The following CELSR1 variants were observed in gnomAD, a reference collection of about 807,000 sequenced individuals.
The protein encoded by CELSR1 is cadherin EGF LAG seven-pass G-type receptor 1, also known as adhesion G protein-coupled receptor C1.
CELSR1 carries 110 observed loss-of-function variants against 249.1 expected under a neutral mutation model. That is an observed-to-expected ratio of 0.44 (90% CI 0.38 to 0.52). CELSR1 has a LOEUF of 0.52. Among genes scored for constraint, CELSR1 ranks in the 20% least tolerant of loss-of-function variants. CELSR1 has a pLI of 0.00. For missense variants in CELSR1, 4,109 were observed against 4,296.4 expected, an observed-to-expected ratio of 0.96 and a Z score of 1.22; for synonymous variants, 2,113 against 1,900.0, an observed-to-expected ratio of 1.11 and a Z score of -2.92.
At position 46,430,727 on chromosome 22, in the gene CELSR1, T is replaced by C. The variant is rs995977900; in HGVS notation, c.4611+2666A>G. Among the ~76,000 whole-genome samples the C allele has an allele frequency of 1.3e-5, 2 of 152,122 alleles. No individual in the cohort carries two copies. The highest frequency in any genetic ancestry group is 4.8e-5 in the African/African-American group (2 of 41,432). Reference sequence around the variant, plus strand: ...ACCAGCCCCCAGAAGATTGTCTTCCTGACCTCAAGCTGGCCCCCGCCACCC... The same window carrying C: ...ACCAGCCCCCAGAAGATTGTCTTCCCGACCTCAAGCTGGCCCCCGCCACCC... On this transcript the variant is annotated intron_variant, in intron 5 of 34. Coordinates refer to ENST00000674500, the MANE Select transcript of CELSR1 (RefSeq NM_001378328.1). The surrounding 1 kb of genome is among the most constrained non-coding windows in gnomAD (Gnocchi z 4.6).
At chr22:46,457,974 T>C (rs1266480384) in intron 2 of CELSR1, among the ~76,000 whole-genome samples, 1 of 152,236 alleles carries the variant, frequency 6.6e-6, no homozygotes, top group Non-Finnish European at 1.5e-5. Flanking sequence ...TTGTCTCATT[T>C]GCACACGGTG....
rs1160476921 is a variant in CELSR1 at position 46,417,277 on chromosome 22, T to C, written c.4612-5518A>G. ...AGTTCTCCGAAGCTGCTTGGGAAAG[T>C]GGTGGGAAGGGTCACGAGGAGCAAA... On this transcript the variant is annotated intron_variant, in intron 5 of 34. Transcript: ENST00000674500. This position sits in a 1 kb window ranked among gnomAD's most constrained non-coding sequence, Gnocchi z 4.1. Among the ~76,000 whole-genome samples the C allele has an allele frequency of 1.3e-5, 2 of 152,228 alleles. No homozygotes were observed. The highest frequency in any genetic ancestry group is 3.9e-4 in the East Asian group (2 of 5,172).
In CELSR1 at chr22:46,397,844, A is replaced by G. The variant is rs1351788486; in HGVS notation, c.5531T>C (p.Val1844Ala). ...RRGFRGCMQGVRMGGTPTNVA... is the reference protein window; with the variant it reads ...RRGFRGCMQGARMGGTPTNVA... ...GTTGGTGGGCGTCCCCCCCATCCTC[A>G]CTCCCTGCATTAAGTAAACGGCACT... The change falls in exon 12 of 35, where the codon GTG becomes GCG. Residue 1844 changes from valine (V) to alanine (A), a missense_variant. Coordinates refer to ENST00000674500, the MANE Select transcript of CELSR1 (RefSeq NM_001378328.1). 6.4e-7 allele frequency: 1 copy of G among 1,562,708 alleles called. No homozygotes were observed. Among genetic ancestry groups the G allele is most frequent in the South Asian group, 1.2e-5 (1 of 82,284 alleles).
Position 46,436,261 on chromosome 22 carries a change from G to C in CELSR1, c.4435C>G (p.Leu1479Val), listed in dbSNP as rs753441074. 5 of 1,614,096 alleles carry C rather than the reference G, an allele frequency of 3.1e-6. No homozygotes were observed. The South Asian group carries it at 5.5e-5, about 18-fold the overall frequency. The change falls in exon 4 of 35, where the codon CTT becomes GTT. Residue 1479 changes from leucine to valine, a missense_variant. Coordinates refer to ENST00000674500, the MANE Select transcript of CELSR1 (RefSeq NM_001378328.1). This position sits in a 1 kb window ranked among gnomAD's most constrained non-coding sequence, Gnocchi z 5.9. ...TFATQERNGL[L>V]LYNGRFNEKH... ...TCATTGAAGCGGCCGTTGTAGAGAAGCAAGCCGTTCCTTTCCTGAGTGGCA... is the reference window on the plus strand; with the variant it reads ...TCATTGAAGCGGCCGTTGTAGAGAACCAAGCCGTTCCTTTCCTGAGTGGCA...
In CELSR1 at chr22:46,366,706, C is replaced by T. The variant is rs527538316; in HGVS notation, c.8206-226G>A. ...GGCCCGCGCTGTGGTCAGGGGCTGC[C>T]GCCCTCCCTACGGCCACTGCTTCTG... On this transcript the variant is annotated intron_variant, in intron 29 of 34. Transcript: ENST00000674500. Among the ~76,000 whole-genome samples the T allele has an allele frequency of 3.9e-5, 6 of 152,286 alleles. No homozygotes were observed. In the South Asian group the frequency reaches 1.0e-3, roughly 26 times the overall value.
At chr22:46,382,452 A>G (rs1228897914) in intron 20 of CELSR1, among the ~76,000 whole-genome samples, 1 of 151,850 alleles carries the variant, frequency 6.6e-6, no homozygotes, top group Non-Finnish European at 1.5e-5. Flanking sequence ...TAATTTTTGT[A>G]TTTTTAGTAG....
rs998292595 is a variant in CELSR1 at position 46,408,690 on chromosome 22, C to T, written c.5226+306G>A. 2.0e-5 allele frequency among the ~76,000 whole-genome samples: 3 copies of T among 152,218 alleles called. No individual in the cohort carries two copies. Among genetic ancestry groups the T allele is most frequent in the African/African-American group, 7.2e-5 (3 of 41,454 alleles). On this transcript the variant is annotated intron_variant, in intron 9 of 34. Transcript: ENST00000674500. The surrounding 1 kb of genome is among the most constrained non-coding windows in gnomAD (Gnocchi z 4.6). ...TCACTGTTTCCGCCTGAAGGCTCGG[C>T]ACCTCCCTCAGTTCTGCAATGCCCA... is the stretch of plus-strand genomic sequence containing the variant.
chr22:46,455,094 T>G (rs921713826), intron 2 of CELSR1, among the ~76,000 whole-genome samples: 1 of 151,958 alleles, frequency 6.6e-6, no homozygotes, highest in Non-Finnish European at 1.5e-5. Flanking sequence ...CATCCGTGAG[T>G]CAGATACCAC....
rs981248692 is a variant in CELSR1 at position 46,460,500 on chromosome 22, A to C, written c.4183+3207T>G. On this transcript the variant is annotated intron_variant, in intron 2 of 34. Coordinates refer to ENST00000674500, the MANE Select transcript of CELSR1 (RefSeq NM_001378328.1). The stretch of plus-strand genomic sequence containing the variant: ...GGCAGGTGCAGAGGGGAGACGGAAC[A>C]GGGCCCTGTGTCTGGACCCACAGGA... Among the ~76,000 whole-genome samples the C allele has an allele frequency of 7.2e-5, 11 of 152,240 alleles. 1 individual carries two copies. Among genetic ancestry groups the C allele is most frequent in the Non-Finnish European group, 1.6e-4 (11 of 68,044 alleles).
Position 46,493,481 on chromosome 22 carries a change from G to T in CELSR1, c.3545-29136C>A, listed in dbSNP as rs1432924966. Among the ~76,000 whole-genome samples the T allele has an allele frequency of 2.6e-5, 4 of 151,368 alleles. No individual in the cohort carries two copies. In the East Asian group the frequency reaches 7.8e-4, roughly 29 times the overall value. ...GAATCGCTTGAACCTGGGAGGCAGA[G>T]GTTGCAGTGAGCCAAGATCATGCCA... On this transcript the variant is annotated intron_variant, in intron 1 of 34. Transcript: ENST00000674500.
At chr22:46,389,609 G>C in intron 17 of CELSR1, 110 bp from the exon 18 acceptor site, 1 of 1,225,490 alleles carries the variant, frequency 8.2e-7, no homozygotes, top group East Asian at 2.5e-5. Context: ...TTGTCAGAAA[G>C]GAACTTTAAA....
At chr22:46,498,240 A>C in intron 1 of CELSR1, among the ~76,000 whole-genome samples, 2 of 104,258 alleles carry the variant, frequency 1.9e-5, no homozygotes, top group Non-Finnish European at 1.8e-5. Context: ...CAAGAGTGAA[A>C]CTCTGTCTCA....
rs757658319 is a variant in CELSR1, at chr22:46,463,754, C to A, written c.4136G>T (p.Arg1379Leu). ...GCAGGTGTAGCCGCCCTCGCGGCTG[C>A]GGCAGCGGCCGTTGGCGCCGCACGG... ...SDPCGANGRC[R>L]SREGGYTCEC... Residue 1379 changes from arginine to leucine, a missense_variant, in exon 2 of 35, where the codon CGC becomes CTC. Around this residue, in one of 7 missense-constraint regions of CELSR1, gnomAD observed 453 missense variants for 492.0 expected, o/e 0.92. Transcript: ENST00000674500. 13 of 1,545,072 alleles carry A rather than the reference C, an allele frequency of 8.4e-6. No individual in the cohort carries two copies. Among genetic ancestry groups the A allele is most frequent in the South Asian group, 1.3e-5 (1 of 79,774 alleles).
chr22:46,393,575 T>C lies in CELSR1; in HGVS notation c.5964+567A>G. Among the ~76,000 whole-genome samples the C allele has an allele frequency of 6.6e-6, 1 of 151,892 alleles. No individual in the cohort carries two copies. The highest frequency in any genetic ancestry group is 1.5e-5 in the Non-Finnish European group (1 of 67,978). ...CAACATGGTGAAATCCTGTCTCTAC[T>C]AAAAATACAAAAATTAGCTGGGCAT... On this transcript the variant is annotated intron_variant, in intron 14 of 34. Transcript: ENST00000674500. The surrounding 1 kb of genome is among the most constrained non-coding windows in gnomAD (Gnocchi z 4.1).
At position 46,463,987 on chromosome 22, in the gene CELSR1, G is replaced by A. The variant is rs778058732; in HGVS notation, c.3903C>T (p.Pro1301=). The A allele has an allele frequency of 1.9e-6, 3 of 1,613,950 alleles. No individual in the cohort carries two copies. Among genetic ancestry groups the A allele is most frequent in the Non-Finnish European group, 2.5e-6 (3 of 1,180,044 alleles). Residue 1301 remains proline (P), a synonymous_variant, in exon 2 of 35, where the codon CCC becomes CCT. Transcript: ENST00000674500. ...LTTISTQRVL[P]FDDNICLREP... is the part of the protein sequence containing the mutation. ...CGCGCAGGCAGATGTTGTCGTCGAAGGGCAGCACGCGCTGCGTGGAGATGG... is the reference window on the plus strand; with the variant it reads ...CGCGCAGGCAGATGTTGTCGTCGAAAGGCAGCACGCGCTGCGTGGAGATGG...
In CELSR1 at chr22:46,377,754, G is replaced by A. The variant is rs958681430; in HGVS notation, c.7384-493C>T. 2.8e-5 allele frequency: 5 copies of A among 178,528 alleles called. No individual in the cohort carries two copies. The South Asian group carries it at 3.8e-4, about 14-fold the overall frequency. 11.1% of individuals were successfully genotyped at this position (178,528 alleles called of 1,614,324 possible). On this transcript the variant is annotated intron_variant, in intron 23 of 34. Coordinates refer to ENST00000674500, the MANE Select transcript of CELSR1 (RefSeq NM_001378328.1). ...TTGCCCATGAGACAGGGGCAGAGGCGGGTCAGCTTCACCTGCATATTGCAC... is the reference window on the plus strand; with the variant it reads ...TTGCCCATGAGACAGGGGCAGAGGCAGGTCAGCTTCACCTGCATATTGCAC...
Position 46,408,332 on chromosome 22 carries a change from C to A in CELSR1, c.5226+664G>T, listed in dbSNP as rs914539927. Among the ~76,000 whole-genome samples, 1 of 152,264 alleles carries A rather than the reference C, an allele frequency of 6.6e-6. No individual in the cohort carries two copies. Among genetic ancestry groups the A allele is most frequent in the Non-Finnish European group, 1.5e-5 (1 of 68,012 alleles). ...GGACGTGCATTGGTGCCAACCACCACCTGGCTGTGGCTTTTTGAGATGGAG... is the reference window on the plus strand; with the variant it reads ...GGACGTGCATTGGTGCCAACCACCAACTGGCTGTGGCTTTTTGAGATGGAG... On this transcript the variant is annotated intron_variant, in intron 9 of 34. Transcript: ENST00000674500. The surrounding 1 kb of genome is among the most constrained non-coding windows in gnomAD (Gnocchi z 4.6).
chr22:46,526,238 C>T lies in CELSR1; in HGVS notation c.3544+7389G>A, dbSNP rs377364462. 1.3e-5 allele frequency among the ~76,000 whole-genome samples: 2 copies of T among 152,298 alleles called. No homozygotes were observed. The highest frequency in any genetic ancestry group is 2.1e-4 in the South Asian group (1 of 4,824). On this transcript the variant is annotated intron_variant, in intron 1 of 34. Transcript: ENST00000674500. The surrounding 1 kb of genome is among the most constrained non-coding windows in gnomAD (Gnocchi z 4.7). ...GCAGAAGTTACTGTCCTGGCAAACC[C>T]GTCTACGAAGCTTGGCCACAGTAGC...
intron 1 of CELSR1, among the ~76,000 whole-genome samples, chr22:46,479,296 C>T (rs553560093): frequency 7.0e-4 from 107 of 152,174 alleles, no homozygotes; most frequent in Non-Finnish European, 1.3e-3. Context: ...GAAATGCTGA[C>T]TCATCTCCAG....
Sources: allele counts gnomAD v4.1 joint callset (sites outside exome capture counted in the v4.1 genomes callset), GRCh38; gene constraint gnomAD v4.1.1; regional missense constraint gnomAD v4.1.1; non-coding constraint Gnocchi (gnomAD v3.1); transcripts MANE v1.5; gene names NCBI Gene and HGNC (gene_info 2026-07-23, HGNC 2026-07-21).